Variants in NBEA observed in about 807,000 individuals in gnomAD.
NBEA encodes neurobeachin.
In NBEA, 44 loss-of-function variants were observed where a neutral mutation model predicts 343.4. That is an observed-to-expected ratio of 0.13 (90% CI 0.10 to 0.16). NBEA has a LOEUF of 0.16. NBEA is among the 10% of genes least tolerant of loss of function. NBEA has a pLI of 1.00. For synonymous variants in NBEA, 1,175 were observed against 1,238.7 expected, an observed-to-expected ratio of 0.95 and a Z score of 1.08; for missense variants, 2,555 against 3,631.3, an observed-to-expected ratio of 0.70 and a Z score of 7.62.
intron 1 of NBEA, among the ~76,000 whole-genome samples, chr13:34,977,092 C>T (rs1465817923): frequency 6.6e-6 from 1 of 151,690 alleles, no homozygotes; most frequent in Non-Finnish European, 1.5e-5. Flanking sequence ...AGGCGTGCAC[C>T]ATCACGGCCA....
intron 38 of NBEA, among the ~76,000 whole-genome samples, chr13:35,358,749 A>G (rs1418406451): frequency 6.6e-6 from 1 of 152,104 alleles, no homozygotes; most frequent in Non-Finnish European, 1.5e-5. Context: ...AAAAGATATA[A>G]AACTTTGGCA....
In NBEA at chr13:35,045,412, A is replaced by C; in HGVS notation, c.723+11A>C. 1 of 1,574,016 alleles carries C rather than the reference A, an allele frequency of 6.4e-7. No homozygotes were observed. The highest frequency in any genetic ancestry group is 8.7e-7 in the Non-Finnish European group (1 of 1,150,880). On this transcript the variant is annotated intron_variant, in intron 4 of 58. Transcript: ENST00000379939. Reference sequence around the variant, plus strand: ...GGTTGTAGCGCTGCGGTAAGTTTTAAATACATGTGCTGATTTTTATTTATT... The same window carrying C: ...GGTTGTAGCGCTGCGGTAAGTTTTACATACATGTGCTGATTTTTATTTATT...
chr13:35,022,093 C>G lies in NBEA; in HGVS notation c.295-18840C>G, dbSNP rs1047975531. ...TAGATTAGGATTTTTACTTGTTAGA[C>G]TAAGAGAATTTAAAAGTGTATAGTC... On this transcript the variant is annotated intron_variant, in intron 1 of 58. Transcript: ENST00000379939. 2.0e-5 allele frequency among the ~76,000 whole-genome samples: 3 copies of G among 152,052 alleles called. No individual in the cohort carries two copies. In the South Asian group the frequency reaches 6.2e-4, roughly 32 times the overall value.
At chr13:35,034,368 C>G (rs2062359190) in intron 1 of NBEA, among the ~76,000 whole-genome samples, 1 of 151,952 alleles carries the variant, frequency 6.6e-6, no homozygotes, top group African/African-American at 2.4e-5. Context: ...CCCATTTGAT[C>G]ATGATGGGTG....
intron 33 of NBEA, among the ~76,000 whole-genome samples, chr13:35,213,261 T>C (rs1309713224): frequency 6.6e-5 from 10 of 152,056 alleles, no homozygotes; most frequent in Admixed American, 6.6e-4. Flanking sequence ...TGTCACAAAT[T>C]AGTTTTTCAT....
At chr13:35,384,815 C>T (rs186079906) in intron 38 of NBEA, among the ~76,000 whole-genome samples, 175 of 152,184 alleles carry the variant, frequency 1.1e-3, no homozygotes, top group Admixed American at 5.4e-3. Context: ...CGTGAGCCAC[C>T]GCGCCCGGCC....
At chr13:35,306,990 C>T (rs2036933840) in intron 35 of NBEA, among the ~76,000 whole-genome samples, 2 of 151,922 alleles carry the variant, frequency 1.3e-5, no homozygotes, top group African/African-American at 4.8e-5. Flanking sequence ...TTTTGATATA[C>T]CATTGCCACT....
At chr13:35,574,757 A>ATT (rs112167156) in intron 45 of NBEA, among the ~76,000 whole-genome samples, 80 of 145,354 alleles carry the variant, frequency 5.5e-4, no homozygotes, top group African/African-American at 1.8e-3. Flanking sequence ...GTGCCAATAG[A>ATT]TTTTTTTTTT....
chr13:35,573,920 A>G (rs1777666), intron 45 of NBEA, among the ~76,000 whole-genome samples: 144,630 of 152,218 alleles, frequency 0.95, 69,166 homozygotes, highest in East Asian at 1. Flanking sequence ...AGCTGAAACA[A>G]AATATTAAGC....
rs1160127498 is a variant in NBEA, at chr13:35,396,563, T to A, written c.6180-35706T>A. Among the ~76,000 whole-genome samples the A allele has an allele frequency of 2.6e-5, 4 of 152,132 alleles. No homozygotes were observed. The East Asian group carries it at 7.7e-4, about 29-fold the overall frequency. On this transcript the variant is annotated intron_variant, in intron 38 of 58. Coordinates refer to ENST00000379939, the MANE Select transcript of NBEA (RefSeq NM_001385012.1). ...AAACCTTGAAACCATATAGATTCATTTGTAGCTTATCAGACAGGGTCTTAG... is the reference window on the plus strand; with the variant it reads ...AAACCTTGAAACCATATAGATTCATATGTAGCTTATCAGACAGGGTCTTAG...
chr13:35,337,409 G>A (rs2039329023), intron 36 of NBEA, among the ~76,000 whole-genome samples: 1 of 151,990 alleles, frequency 6.6e-6, no homozygotes, highest in South Asian at 2.1e-4. Flanking sequence ...CAGTGACAAA[G>A]ACATTATATA....
chr13:35,138,405 A>G (rs1189946151), intron 17 of NBEA, among the ~76,000 whole-genome samples: 1 of 152,044 alleles, frequency 6.6e-6, no homozygotes. Flanking sequence ...GTAGAAAAAA[A>G]TTGGAAATTA....
At chr13:35,654,803 G>C (rs1190820180) in intron 53 of NBEA, 52 bp from the exon 54 acceptor site, 1 of 1,470,402 alleles carries the variant, frequency 6.8e-7, no homozygotes, top group Admixed American at 2.6e-5. Flanking sequence ...TGAGTGCTTG[G>C]CAAAACTCAT....
intron 1 of NBEA, among the ~76,000 whole-genome samples, chr13:35,019,707 G>T (rs943681831): frequency 6.6e-6 from 1 of 152,120 alleles, no homozygotes; most frequent in Non-Finnish European, 1.5e-5. Flanking sequence ...GGACTATTTA[G>T]ATTGGCTATT....
chr13:35,462,173 T>C (rs1008556290), intron 40 of NBEA, among the ~76,000 whole-genome samples: 2 of 152,180 alleles, frequency 1.3e-5, no homozygotes, highest in Admixed American at 1.3e-4. Flanking sequence ...ATCAACTCTA[T>C]GTAAGACATA....
At chr13:35,469,766 G>C (rs192877931) in intron 40 of NBEA, among the ~76,000 whole-genome samples, 4 of 152,288 alleles carry the variant, frequency 2.6e-5, no homozygotes, top group African/African-American at 9.6e-5. Context: ...TTATCTTCTA[G>C]AACAGAATCA....
chr13:34,962,355 A>G (rs935425678), intron 1 of NBEA, among the ~76,000 whole-genome samples: 2 of 152,054 alleles, frequency 1.3e-5, no homozygotes, highest in Non-Finnish European at 2.9e-5. Flanking sequence ...TTTTCTGGTT[A>G]TATGTCAGTA....
intron 40 of NBEA, among the ~76,000 whole-genome samples, chr13:35,453,319 T>C (rs1047420250): frequency 6.6e-6 from 1 of 152,212 alleles, no homozygotes; most frequent in South Asian, 2.1e-4. Flanking sequence ...GATATTTCTA[T>C]ATTATTCACA....
At chr13:35,427,986 C>T (rs78696234) in intron 38 of NBEA, among the ~76,000 whole-genome samples, 10 of 152,294 alleles carry the variant, frequency 6.6e-5, no homozygotes, top group South Asian at 2.1e-4. Context: ...ATTGGGAAAG[C>T]GCAGTATTAG....
Sources: allele counts gnomAD v4.1 joint callset (sites outside exome capture counted in the v4.1 genomes callset), GRCh38; gene constraint gnomAD v4.1.1; transcripts MANE v1.5; gene names NCBI Gene and HGNC (gene_info 2026-07-23, HGNC 2026-07-21).